Variants in TJP1 observed in about 807,000 individuals in gnomAD.
TJP1 encodes tight junction protein 1, also known as tight junction protein ZO-1.
Under a neutral mutation model 194.2 loss-of-function variants are expected in TJP1, and 43 were observed. The observed-to-expected ratio is 0.22, with a 90% CI of 0.17 to 0.29. The LOEUF (loss-of-function observed/expected upper bound fraction) is 0.29, where lower values mean the gene tolerates loss of function less well. Among genes scored for constraint, TJP1 ranks in the 10% least tolerant of loss-of-function variants. The pLI, the probability that TJP1 is intolerant of heterozygous loss-of-function variation, is 1.00. For missense variants in TJP1, 1,971 were observed against 2,185.7 expected (o/e 0.90, Z 1.96); for synonymous variants, 801 against 779.0 (o/e 1.03, Z -0.47).
At chr15:29,968,207 C>T in intron 1 of TJP1, 1 of 985,428 alleles carries the variant, frequency 1.0e-6, no homozygotes, top group African/African-American at 1.7e-5. Flanking sequence ...CTTGCTCGTC[C>T]TCTACTATGC....
At chr15:29,789,204 T>A (rs775077066) in intron 2 of TJP1, among the ~76,000 whole-genome samples, 1 of 152,238 alleles carries the variant, frequency 6.6e-6, no homozygotes, top group Admixed American at 6.5e-5. Context: ...TGGGCGGTGC[T>A]GTTGTAGACC....
At chr15:29,765,689 G>A (rs1213002442) in intron 5 of TJP1, among the ~76,000 whole-genome samples, 2 of 152,136 alleles carry the variant, frequency 1.3e-5, no homozygotes, top group African/African-American at 4.8e-5. Flanking sequence ...TTACCAATTT[G>A]AGAACAGCTT....
chr15:29,700,038 A>G, downstream of TJP1: 1 of 355,364 alleles, frequency 2.8e-6, no homozygotes, highest in Non-Finnish European at 5.0e-6. Flanking sequence ...GCAACACCAG[A>G]CGACGAGGTG....
chr15:29,837,097 T>A (rs1034587833), intron 2 of TJP1, among the ~76,000 whole-genome samples: 3 of 152,178 alleles, frequency 2.0e-5, no homozygotes, highest in Non-Finnish European at 4.4e-5. Flanking sequence ...AGAAAAGATG[T>A]GGAGGTGAAA....
At chr15:29,946,607 A>C (rs940888338) in intron 2 of TJP1, among the ~76,000 whole-genome samples, 4 of 152,170 alleles carry the variant, frequency 2.6e-5, no homozygotes, top group African/African-American at 9.7e-5. Context: ...CCAGGCTGAA[A>C]ATTCTTTAAA....
intron 2 of TJP1, among the ~76,000 whole-genome samples, chr15:29,868,985 A>C (rs1008725113): frequency 6.6e-6 from 1 of 152,160 alleles, no homozygotes; most frequent in Non-Finnish European, 1.5e-5. Context: ...AGGGAATTTC[A>C]TTTTCTATAA....
intron 1 of TJP1, among the ~76,000 whole-genome samples, chr15:29,967,528 GAAGA>G (rs1323861722): frequency 1.3e-5 from 2 of 152,146 alleles, no homozygotes; most frequent in African/African-American, 4.8e-5. Context: ...CTTTACAGAG[GAAGA>G]AACAGACACT....
chr15:29,801,377 T>G (rs560300787), intron 1 of TJP1, among the ~76,000 whole-genome samples: 41 of 152,016 alleles, frequency 2.7e-4, no homozygotes, highest in Admixed American at 1.0e-3. Flanking sequence ...CAGTAAGAGC[T>G]CCAATACAGG....
intron 18 of TJP1, among the ~76,000 whole-genome samples, chr15:29,723,661 T>C (rs1268124385): frequency 6.6e-6 from 1 of 152,202 alleles, no homozygotes; most frequent in Non-Finnish European, 1.5e-5. Context: ...GTTGCTACAT[T>C]AAGAAGAAAT....
chr15:29,798,923 G>A (rs2048594498), intron 2 of TJP1, among the ~76,000 whole-genome samples: 1 of 152,174 alleles, frequency 6.6e-6, no homozygotes, highest in Admixed American at 6.5e-5. Flanking sequence ...TGTTGTATGA[G>A]TCCATTTACA....
At chr15:29,813,033 C>T (rs1447697201) in intron 1 of TJP1, among the ~76,000 whole-genome samples, 2 of 151,928 alleles carry the variant, frequency 1.3e-5, no homozygotes, top group African/African-American at 2.4e-5. Flanking sequence ...TTCCTTAGTA[C>T]CTTTATATGA....
rs559711180 is a variant in TJP1 at position 29,833,784 on chromosome 15, C to T, written c.307-33082G>A. On this transcript the variant is annotated intron_variant, in intron 2 of 28. Coordinates refer to the TJP1 transcript ENST00000356107. ...TATTAAAATGACTACTCACACAACGCCACCCACATTTACATGCTAATTTAT... is the reference window on the plus strand; with the variant it reads ...TATTAAAATGACTACTCACACAACGTCACCCACATTTACATGCTAATTTAT... Among the ~76,000 whole-genome samples the T allele has an allele frequency of 6.9e-5, 10 of 144,686 alleles. No individual in the cohort carries two copies. In the East Asian group the frequency reaches 2.0e-3, roughly 29 times the overall value. 94.9% of individuals were successfully genotyped at this position (144,686 alleles called of 152,430 possible).
At chr15:29,846,100 T>C (rs1352847087) in intron 2 of TJP1, among the ~76,000 whole-genome samples, 1 of 152,164 alleles carries the variant, frequency 6.6e-6, no homozygotes, top group Non-Finnish European at 1.5e-5. Context: ...CTTTCTTCTC[T>C]TGCCTCCTGA....
chr15:29,731,548 G>A (rs1293564052), intron 15 of TJP1, among the ~76,000 whole-genome samples: 1 of 152,158 alleles, frequency 6.6e-6, no homozygotes, highest in Non-Finnish European at 1.5e-5. Flanking sequence ...TGAAAGTCAG[G>A]GTTGGCTTGT....
chr15:29,739,572 T>C (rs1437344379), intron 10 of TJP1, among the ~76,000 whole-genome samples: 2 of 151,930 alleles, frequency 1.3e-5, no homozygotes, highest in Admixed American at 6.6e-5. Context: ...GCCTCCCGAG[T>C]AGCTGGGACT....
intron 25 of TJP1, among the ~76,000 whole-genome samples, chr15:29,706,578 A>G (rs947712845): frequency 1.2e-4 from 18 of 152,188 alleles, no homozygotes; most frequent in Admixed American, 3.3e-4. Context: ...ACAGGTACAG[A>G]GTTTTATGAA....
chr15:29,725,527 C>T (rs1002596820), intron 18 of TJP1, among the ~76,000 whole-genome samples: 1 of 152,026 alleles, frequency 6.6e-6, no homozygotes, highest in Non-Finnish European at 1.5e-5. Context: ...TCTCAATCTT[C>T]CCTAATAACC....
intron 23 of TJP1, among the ~76,000 whole-genome samples, chr15:29,716,148 C>T (rs45590941): frequency 0.011 from 1,631 of 152,226 alleles, 71 homozygotes; most frequent in East Asian, 0.093. Context: ...CCAGCTCTGC[C>T]CTGTCATTTT....
intron 1 of TJP1, among the ~76,000 whole-genome samples, chr15:29,956,603 G>C (rs1178399198): frequency 6.6e-6 from 1 of 152,204 alleles, no homozygotes; most frequent in Non-Finnish European, 1.5e-5. Flanking sequence ...ATTAGACTGT[G>C]GGTGGTGGCT....
Sources: allele counts gnomAD v4.1 joint callset (sites outside exome capture counted in the v4.1 genomes callset), GRCh38; gene constraint gnomAD v4.1.1; transcripts MANE v1.5; gene names NCBI Gene and HGNC (gene_info 2026-07-23, HGNC 2026-07-21).